The following GRIK3 variants were observed in gnomAD, a reference collection of about 807,000 sequenced individuals.
GRIK3 encodes the protein glutamate receptor ionotropic, kainate 3.
In GRIK3, 29 loss-of-function variants were observed where a neutral mutation model predicts 102.5. The ratio of observed to expected loss-of-function variants is 0.28; its 90% CI spans 0.21 to 0.39. The LOEUF is 0.39. Ranked by LOEUF, GRIK3 falls within the 10% of genes least tolerant of loss-of-function variation. GRIK3 has a pLI of 1.00. For missense variants in GRIK3, 908 were observed against 1,252.4 expected (o/e 0.73, Z 4.15); for synonymous variants, 511 against 504.9 (o/e 1.01, Z -0.16).
At chr1:36,833,013 C>T (rs1455600380) in intron 10 of GRIK3, among the ~76,000 whole-genome samples, 1 of 152,188 alleles carries the variant, frequency 6.6e-6, no homozygotes, top group Admixed American at 6.5e-5. Flanking sequence ...TGTGGGACGC[C>T]CAGCTCCTCT....
Position 36,850,487 on chromosome 1 carries a change from C to T in GRIK3, c.1213-63G>A, listed in dbSNP as rs865922850. 1.4e-5 allele frequency: 13 copies of T among 909,854 alleles called. No homozygotes were observed. Among genetic ancestry groups the T allele is most frequent in the East Asian group, 4.8e-5 (2 of 41,680 alleles). 56.4% of individuals were successfully genotyped at this position (909,854 alleles called of 1,614,324 possible). On this transcript the variant is annotated intron_variant, in intron 8 of 15. Transcript: ENST00000373091. This position sits in a 1 kb window ranked among gnomAD's most constrained non-coding sequence, Gnocchi z 4.0. ...TTGGTCTACCCATCTTCCTCCATAT[C>T]GACAAGACCTTCATCTCATTCCCAT...
intron 1 of GRIK3, among the ~76,000 whole-genome samples, chr1:36,932,346 AGCATGCGACAGCCACAGTCCACTCTG>A: frequency 6.6e-6 from 1 of 152,278 alleles, no homozygotes; most frequent in East Asian, 1.9e-4. Flanking sequence ...GCCACTCCCA[AGCATGCGACAGCCACAGTCCACTCTG>A]GCCCCGTGGG....
Position 36,799,605 on chromosome 1 carries a change from A to C in GRIK3, c.*2246T>G, listed in dbSNP as rs1642417019. On this transcript the variant is annotated 3_prime_UTR_variant, in exon 16 of 16. Transcript: ENST00000373091. ...CTCCATCCTATGCCATTCAGTGTAC[A>C]TGTGCACACACACACACCAGCATGC... 1 of 152,162 alleles carries C rather than the reference A, an allele frequency of 6.6e-6. No homozygotes were observed. Among genetic ancestry groups the C allele is most frequent in the Non-Finnish European group, 1.5e-5 (1 of 68,052 alleles). 9.4% of individuals were successfully genotyped at this position (152,162 alleles called of 1,614,324 possible). A position where few individuals can be genotyped will look rare whatever the true frequency, so the allele number is the denominator to read the frequency against.
At chr1:36,879,298 A>G (rs1303250292) in intron 3 of GRIK3, among the ~76,000 whole-genome samples, 1 of 151,966 alleles carries the variant, frequency 6.6e-6, no homozygotes, top group African/African-American at 2.4e-5. Context: ...GTTGGAGACC[A>G]GCCTGGGCAA....
chr1:36,840,248 T>C (rs552824865), intron 10 of GRIK3, among the ~76,000 whole-genome samples: 2 of 152,230 alleles, frequency 1.3e-5, no homozygotes, highest in Non-Finnish European at 2.9e-5. Flanking sequence ...GGGTCCAGTA[T>C]GGATCAGGTC....
intron 1 of GRIK3, among the ~76,000 whole-genome samples, chr1:36,957,665 GTCTGTGCCCCGTGAC>G (rs1641936776): frequency 1.9e-5 from 2 of 106,636 alleles, no homozygotes; most frequent in South Asian, 3.3e-4. Flanking sequence ...TGATCTGTGA[GTCTGTGCCCCGTGAC>G]TCTGTGCCCC....
At chr1:36,979,642 T>C (rs1418006724) in intron 1 of GRIK3, among the ~76,000 whole-genome samples, 1 of 151,710 alleles carries the variant, frequency 6.6e-6, no homozygotes, top group Non-Finnish European at 1.5e-5. Flanking sequence ...TAAAGAAGAG[T>C]TGATCCAGAG....
chr1:36,815,443 C>T (rs1306262747), intron 13 of GRIK3, among the ~76,000 whole-genome samples: 1 of 152,162 alleles, frequency 6.6e-6, no homozygotes, highest in Admixed American at 6.5e-5. Context: ...GGAGGCTTAG[C>T]CTAGGAGGAG....
At chr1:36,980,052 C>T (rs1299946550) in intron 1 of GRIK3, among the ~76,000 whole-genome samples, 1 of 152,302 alleles carries the variant, frequency 6.6e-6, no homozygotes, top group African/African-American at 2.4e-5. Context: ...TCTGGATCTC[C>T]GGGTTTCCCT....
rs890467124 is a variant in GRIK3, at chr1:36,850,187, A to G, written c.1326+124T>C. The G allele has an allele frequency of 8.1e-5, 53 of 657,476 alleles. 1 individual carries two copies. Among genetic ancestry groups the G allele is most frequent in the Non-Finnish European group, 1.3e-4 (48 of 366,510 alleles). 40.7% of individuals were successfully genotyped at this position (657,476 alleles called of 1,614,324 possible). The stretch of plus-strand genomic sequence containing the variant: ...CTCTGAGAACTTCCTGCTGACTCTA[A>G]AAGTCTCCACCTACCTGCAGCCTCC... On this transcript the variant is annotated intron_variant, in intron 9 of 15. Transcript: ENST00000373091. This position sits in a 1 kb window ranked among gnomAD's most constrained non-coding sequence, Gnocchi z 4.0.
chr1:36,803,521 C>A (rs143716886), intron 15 of GRIK3, among the ~76,000 whole-genome samples: 1,577 of 152,292 alleles, frequency 0.01, 29 homozygotes, highest in African/African-American at 0.036. Flanking sequence ...ACCTCCACCT[C>A]CTGGGTTCAA....
chr1:36,950,542 A>C (rs964555475), intron 1 of GRIK3, among the ~76,000 whole-genome samples: 2 of 152,222 alleles, frequency 1.3e-5, no homozygotes, highest in African/African-American at 4.8e-5. Flanking sequence ...CAGGAAGATG[A>C]AGCTGGAATG....
intron 1 of GRIK3, among the ~76,000 whole-genome samples, chr1:37,032,429 GCC>G: frequency 6.6e-6 from 1 of 152,138 alleles, no homozygotes; most frequent in South Asian, 2.1e-4. Context: ...TACGACGCAG[GCC>G]CCCAAAAAAG....
intron 1 of GRIK3, among the ~76,000 whole-genome samples, chr1:36,959,271 C>CGTGAGCCTGTGCCT (rs145001217): frequency 0.038 from 4,464 of 118,068 alleles, 487 homozygotes; most frequent in Middle Eastern, 0.079. Flanking sequence ...GTCTGTGCCC[C>CGTGAGCCTGTGCCT]GTGAGCCTGT....
intron 1 of GRIK3, among the ~76,000 whole-genome samples, chr1:36,995,553 A>G (rs1206168768): frequency 6.6e-6 from 1 of 152,164 alleles, no homozygotes; most frequent in Non-Finnish European, 1.5e-5. Flanking sequence ...CAGGAATCAC[A>G]TCACTTCTCA....
At chr1:36,873,165 TG>T (rs1225861028) in intron 3 of GRIK3, among the ~76,000 whole-genome samples, 1 of 152,202 alleles carries the variant, frequency 6.6e-6, no homozygotes, top group African/African-American at 2.4e-5. Flanking sequence ...CGTTGATATC[TG>T]GGGCTGGGTT....
chr1:37,021,091 A>AGTGTGTGT (rs140990633), intron 1 of GRIK3, among the ~76,000 whole-genome samples: 18 of 144,022 alleles, frequency 1.2e-4, no homozygotes, highest in East Asian at 6.1e-4. Context: ...CAAATTTGCA[A>AGTGTGTGT]GTGTGTGTGT....
In GRIK3 at chr1:36,798,726, C is replaced by G. The variant is rs893242383; in HGVS notation, c.*3125G>C. 3 of 152,224 alleles carry G rather than the reference C, an allele frequency of 2.0e-5. No individual in the cohort carries two copies. The highest frequency in any genetic ancestry group is 4.4e-5 in the Non-Finnish European group (3 of 68,048). The allele number at this position is 152,224 out of a possible 1,614,324, so 9.4% of individuals were successfully genotyped here. ...ACAAATGCAGGATATTGGCCAGAAG[C>G]CAAATATCAGCCACACCGACAACAC... On this transcript the variant is annotated 3_prime_UTR_variant, in exon 16 of 16. Transcript: ENST00000373091.
At chr1:36,958,933 CTG>C (rs1641962570) in intron 1 of GRIK3, among the ~76,000 whole-genome samples, 4 of 123,648 alleles carry the variant, frequency 3.2e-5, no homozygotes, top group Middle Eastern at 5.3e-3. Context: ...CCTGTGTGCC[CTG>C]TGAGCCTGTG....
Sources: gnomAD v4.1 joint callset for allele counts (sites outside exome capture counted in the v4.1 genomes callset) on GRCh38, gnomAD v4.1.1 for gene constraint, Gnocchi (gnomAD v3.1) non-coding constraint, MANE v1.5 for transcripts, NCBI Gene and HGNC (gene_info 2026-07-23, HGNC 2026-07-21) for gene names.